The following TNKS variants were observed in gnomAD, a reference collection of about 807,000 sequenced individuals.
TNKS encodes the protein tankyrase, also known as poly [ADP-ribose] polymerase tankyrase-1.
A neutral mutation model predicts 135.8 loss-of-function variants in TNKS; 72 were observed. That is an observed-to-expected ratio of 0.53 (90% confidence interval 0.44 to 0.64). TNKS has a LOEUF of 0.64. Among genes scored for constraint, TNKS ranks in the 30% least tolerant of loss-of-function variants. TNKS has a pLI of 0.00. For synonymous variants in TNKS, 849 were observed against 649.3 expected, an observed-to-expected ratio of 1.31 and a Z score of -4.68; for missense variants, 1,769 against 1,674.0, an observed-to-expected ratio of 1.06 and a Z score of -0.99.
At chr8:9,577,113 C>G (rs1797978807) in intron 1 of TNKS, among the ~76,000 whole-genome samples, 1 of 141,158 alleles carries the variant, frequency 7.1e-6, no homozygotes, top group South Asian at 2.3e-4. Flanking sequence ...AATAACAATT[C>G]ATTTTTTTTT....
chr8:9,573,549 G>T (rs371030162), intron 1 of TNKS, among the ~76,000 whole-genome samples: 3 of 152,158 alleles, frequency 2.0e-5, no homozygotes, highest in Non-Finnish European at 2.9e-5. Context: ...GGCAACTTCA[G>T]GCTAAATTAA....
chr8:9,606,835 C>G (rs1013996745), intron 2 of TNKS, among the ~76,000 whole-genome samples: 7 of 152,104 alleles, frequency 4.6e-5, no homozygotes, highest in Admixed American at 2.0e-4. Flanking sequence ...TTTAGCAGAT[C>G]ACCTTATTGC....
At chr8:9,608,755 C>T (rs748290926) in intron 2 of TNKS, among the ~76,000 whole-genome samples, 16 of 152,114 alleles carry the variant, frequency 1.1e-4, no homozygotes, top group Non-Finnish European at 1.9e-4. Flanking sequence ...GTGTAACCAC[C>T]ATGTTCTGCT....
chr8:9,681,029 GTTAT>G (rs1365584885), intron 5 of TNKS: 1 of 362,844 alleles, frequency 2.8e-6, no homozygotes, highest in Non-Finnish European at 4.9e-6. Flanking sequence ...GACACAGCAA[GTTAT>G]TTGTTACATG....
chr8:9,567,721 A>C (rs774198872), intron 1 of TNKS, among the ~76,000 whole-genome samples: 1 of 152,158 alleles, frequency 6.6e-6, no homozygotes, highest in African/African-American at 2.4e-5. Context: ...CCTTCCAGCA[A>C]CGACTTTCTT....
At chr8:9,747,071 C>T (rs528995457) in intron 17 of TNKS, among the ~76,000 whole-genome samples, 35 of 151,666 alleles carry the variant, frequency 2.3e-4, no homozygotes, top group African/African-American at 7.2e-4. Flanking sequence ...TTGGTAGGGA[C>T]GGGGTTTCAC....
At chr8:9,742,043 A>T (rs1410680128) in intron 17 of TNKS, among the ~76,000 whole-genome samples, 4 of 152,192 alleles carry the variant, frequency 2.6e-5, no homozygotes, top group African/African-American at 9.7e-5. Flanking sequence ...TGAGGTGAGA[A>T]TGATCAAAAA....
In TNKS at chr8:9,556,379, G is replaced by C; in HGVS notation, c.440G>C (p.Gly147Ala). 1 of 1,614,194 alleles carries C rather than the reference G, an allele frequency of 6.2e-7. No homozygotes were observed. The highest frequency in any genetic ancestry group is 8.5e-7 in the Non-Finnish European group (1 of 1,180,034). The change falls in exon 1 of 27, where the codon GGA (glycine) becomes GCA (alanine). Residue 147 changes from glycine to alanine, a missense_variant. Transcript: ENST00000310430. ...TCATCTTCCTCTCCATCCTCCCCTGGATCGAGCTTGGCGGAGAGCCCCGAG... is the reference window on the plus strand; with the variant it reads ...TCATCTTCCTCTCCATCCTCCCCTGCATCGAGCTTGGCGGAGAGCCCCGAG... Reference protein sequence around the residue: ...SSSSSSPSSPGSSLAESPEAA... With the variant: ...SSSSSSPSSPASSLAESPEAA...
chr8:9,604,345 A>G (rs948886677), intron 2 of TNKS, among the ~76,000 whole-genome samples: 17 of 152,154 alleles, frequency 1.1e-4, no homozygotes, highest in Non-Finnish European at 2.4e-4. Context: ...ACAGTGTAAC[A>G]TAATTTAATT....
At chr8:9,586,660 C>G (rs1437571282) in intron 2 of TNKS, among the ~76,000 whole-genome samples, 1 of 151,458 alleles carries the variant, frequency 6.6e-6, no homozygotes, top group African/African-American at 2.4e-5. Flanking sequence ...AATGTTAAAA[C>G]AGCCAGTATT....
chr8:9,663,184 A>G (rs902892616), intron 3 of TNKS, among the ~76,000 whole-genome samples: 2 of 152,352 alleles, frequency 1.3e-5, no homozygotes, highest in East Asian at 1.9e-4. Context: ...CTGCTCATCC[A>G]TTTTAGACTT....
chr8:9,673,473 C>G (rs1760385211), intron 3 of TNKS, among the ~76,000 whole-genome samples: 1 of 120,350 alleles, frequency 8.3e-6, no homozygotes, highest in South Asian at 2.7e-4. Context: ...GAGCAGGAGT[C>G]TTGCTCTGTT....
chr8:9,572,847 G>A (rs1797807288), intron 1 of TNKS, among the ~76,000 whole-genome samples: 1 of 152,138 alleles, frequency 6.6e-6, no homozygotes, highest in South Asian at 2.1e-4. Context: ...CTAGTGAATG[G>A]CAAGTCTGTT....
chr8:9,766,997 T>C lies in TNKS; in HGVS notation c.3740+572T>C, dbSNP rs183664252. On this transcript the variant is annotated intron_variant, in intron 25 of 26. Transcript: ENST00000310430. ...ACTCCCTGCATCTTGGCTTTCTCCC[T>C]GGGCTTCACTTTTCTTCCTCTGTAA... is the stretch of plus-strand genomic sequence containing the variant. 6.0e-3 allele frequency among the ~76,000 whole-genome samples: 908 copies of C among 152,326 alleles called. 11 individuals are homozygous for C. The highest frequency in any genetic ancestry group is 0.021 in the African/African-American group (859 of 41,580).
In TNKS at chr8:9,555,931, A is replaced by G. The variant is rs1464631566; in HGVS notation, c.-9A>G. ...GTTGCCGCAGTGACAGTGCTAGGGG[A>G]GTCCGAAGATGGCGGCGTCGCGTCG... is the stretch of plus-strand genomic sequence containing the variant. On this transcript the variant is annotated 5_prime_UTR_variant, in exon 1 of 27. Coordinates refer to ENST00000310430, the MANE Select transcript of TNKS (RefSeq NM_003747.3). The G allele has an allele frequency of 6.2e-7, 1 of 1,606,120 alleles. No homozygotes were observed. Among genetic ancestry groups the G allele is most frequent in the Admixed American group, 1.7e-5 (1 of 59,214 alleles).
intron 21 of TNKS, among the ~76,000 whole-genome samples, chr8:9,762,547 T>C (rs757950524): frequency 3.3e-5 from 5 of 152,174 alleles, no homozygotes; most frequent in Non-Finnish European, 5.9e-5. Context: ...ATGTTCATGA[T>C]AGAGTTTAAT....
rs761162353 is a variant in TNKS at position 9,709,981 on chromosome 8, C to G, written c.1605C>G (p.Pro535=). Residue 535 remains proline, a synonymous_variant, in exon 10 of 27, where the codon CCC becomes CCG. Transcript: ENST00000310430. ...ALHCAVASLH[P]KRKQVTELLL... ...ACTGTGCTGTGGCCTCTCTGCATCC[C>G]AAACGTAAACAAGTGACAGAATTGT... 1.2e-6 allele frequency: 2 copies of G among 1,613,762 alleles called. No individual in the cohort carries two copies. The highest frequency in any genetic ancestry group is 1.7e-6 in the Non-Finnish European group (2 of 1,179,996).
chr8:9,769,179 G>T (rs1447778035), intron 25 of TNKS, among the ~76,000 whole-genome samples: 1 of 152,188 alleles, frequency 6.6e-6, no homozygotes, highest in Non-Finnish European at 1.5e-5. Context: ...AGCAACCACA[G>T]ACTATATGTA....
intron 20 of TNKS, among the ~76,000 whole-genome samples, chr8:9,755,957 G>A (rs1409406692): frequency 1.3e-5 from 2 of 152,126 alleles, no homozygotes; most frequent in Non-Finnish European, 2.9e-5. Context: ...GAATAATATA[G>A]TATCCTTTCT....
Sources: gnomAD v4.1 joint callset for allele counts (sites outside exome capture counted in the v4.1 genomes callset) on GRCh38, gnomAD v4.1.1 for gene constraint, MANE v1.5 for transcripts, NCBI Gene and HGNC (gene_info 2026-07-23, HGNC 2026-07-21) for gene names.